OSBPL9: variants seen among roughly 807,000 people sequenced by gnomAD.
OSBPL9 encodes the protein oxysterol binding protein like 9, also known as oxysterol-binding protein-related protein 9.
A neutral mutation model predicts 106.6 loss-of-function variants in OSBPL9; 40 were observed. That is an observed-to-expected ratio of 0.38 (90% CI 0.29 to 0.49). The LOEUF is 0.49. Ranked by LOEUF, OSBPL9 falls within the 20% of genes least tolerant of loss-of-function variation. The probability of loss-of-function intolerance (pLI) is 0.97; values close to 1 mark genes in which losing one functional copy is unlikely to be tolerated. For missense variants in OSBPL9, 609 were observed against 887.2 expected (o/e 0.69, Z 3.98); for synonymous variants, 269 against 295.4 (o/e 0.91, Z 0.92).
At chr1:51,673,426 T>C (rs955004818) in intron 3 of OSBPL9, among the ~76,000 whole-genome samples, 1 of 152,140 alleles carries the variant, frequency 6.6e-6, no homozygotes, top group African/African-American at 2.4e-5. Context: ...TGTTTTGTTT[T>C]TGTAGGATAA....
At chr1:51,690,534 A>G (rs1654743370) in intron 3 of OSBPL9, among the ~76,000 whole-genome samples, 1 of 152,264 alleles carries the variant, frequency 6.6e-6, no homozygotes, top group South Asian at 2.1e-4. Flanking sequence ...TAAAAGGATC[A>G]TTAAGCAAAA....
In OSBPL9 at chr1:51,722,162, AATAGATAGATAGATAG is replaced by A. The variant is rs3991279; in HGVS notation, c.318+8113_318+8128del. ...ATAATGAGACTCCATCTCTAAAATA[AATAGATAGATAGATAG>A]ATAGATAGATAGATAGATAGATAGA... On this transcript the variant is annotated intron_variant, in intron 4 of 23. Transcript: ENST00000428468. Among the ~76,000 whole-genome samples the A allele has an allele frequency of 4.3e-3, 630 of 147,070 alleles. 3 individuals are homozygous for A. Among genetic ancestry groups the A allele is most frequent in the African/African-American group, 0.015 (612 of 39,816 alleles).
the OSBPL9 span, among the ~76,000 whole-genome samples, chr1:51,544,837 CTTTTTT>C: frequency 2.5e-5 from 2 of 80,258 alleles, no homozygotes; most frequent in East Asian, 3.6e-4. Flanking sequence ...AAGAGACATG[CTTTTTT>C]TTTTTTTTTT....
At chr1:51,775,416 C>T (rs970956210) in intron 14 of OSBPL9, among the ~76,000 whole-genome samples, 1 of 151,912 alleles carries the variant, frequency 6.6e-6, no homozygotes, top group Non-Finnish European at 1.5e-5. Flanking sequence ...TCTCTAGTGC[C>T]ACCTCAATAA....
At chr1:51,663,330 C>T (rs1335734911) in intron 2 of OSBPL9, among the ~76,000 whole-genome samples, 2 of 131,632 alleles carry the variant, frequency 1.5e-5, no homozygotes, top group Middle Eastern at 3.9e-3. Context: ...GTGTGTAAAA[C>T]GTGTGTAGCT....
At chr1:51,552,647 C>T in the OSBPL9 span, among the ~76,000 whole-genome samples, 4 of 151,864 alleles carry the variant, frequency 2.6e-5, no homozygotes, top group Admixed American at 6.6e-5. Flanking sequence ...TTTTTTTAGA[C>T]GGTGGCTCAT....
At chr1:51,658,746 CT>C (rs533820511) in intron 2 of OSBPL9, among the ~76,000 whole-genome samples, 19 of 149,520 alleles carry the variant, frequency 1.3e-4, no homozygotes, top group Admixed American at 4.0e-4. Flanking sequence ...GATACCATCA[CT>C]TTTTTTTTTC....
intron 1 of OSBPL9, among the ~76,000 whole-genome samples, chr1:51,648,899 T>C (rs1056682231): frequency 8.5e-5 from 13 of 152,218 alleles, no homozygotes; most frequent in Middle Eastern, 3.2e-3. Context: ...TTATTAATGT[T>C]GCTATTATCC....
At chr1:51,687,476 G>T (rs1654050578) in intron 3 of OSBPL9, among the ~76,000 whole-genome samples, 1 of 152,192 alleles carries the variant, frequency 6.6e-6, no homozygotes, top group African/African-American at 2.4e-5. Flanking sequence ...GAGAAAACTA[G>T]TAGAGGCAAG....
At chr1:51,571,511 T>A in the OSBPL9 span, among the ~76,000 whole-genome samples, 1 of 151,674 alleles carries the variant, frequency 6.6e-6, no homozygotes, top group African/African-American at 2.4e-5. Context: ...GCAAAAAAAA[T>A]TAAAAATTAG....
intron 2 of OSBPL9, among the ~76,000 whole-genome samples, chr1:51,609,817 G>A (rs186758805): frequency 2.0e-4 from 30 of 150,230 alleles, no homozygotes; most frequent in East Asian, 1.2e-3. Flanking sequence ...GCGTGATCTC[G>A]GCTCACCACA....
intron 3 of OSBPL9, among the ~76,000 whole-genome samples, chr1:51,693,333 C>T (rs1355740057): frequency 1.3e-5 from 2 of 151,182 alleles, no homozygotes; most frequent in Non-Finnish European, 2.9e-5. Context: ...GTTAGTATCA[C>T]TGCATTCCAG....
chr1:51,736,606 T>A (rs1665762936), intron 4 of OSBPL9, among the ~76,000 whole-genome samples: 1 of 152,206 alleles, frequency 6.6e-6, no homozygotes, highest in Non-Finnish European at 1.5e-5. Flanking sequence ...TTTCAGAACC[T>A]GAACTAACTA....
intron 3 of OSBPL9, among the ~76,000 whole-genome samples, chr1:51,713,392 C>T (rs995139623): frequency 7.2e-5 from 11 of 151,966 alleles, no homozygotes; most frequent in Non-Finnish European, 1.3e-4. Context: ...TCAGGTGATC[C>T]GCCCGCCTCA....
intron 22 of OSBPL9, 59 bp downstream of exon 22, chr1:51,786,676 A>T: frequency 1.4e-6 from 2 of 1,411,354 alleles, no homozygotes; most frequent in South Asian, 2.4e-5. Context: ...GCCTAGGCGT[A>T]GGCACAGGGC....
At chr1:51,669,319 G>C (rs531215705) in intron 2 of OSBPL9, 115 bp from the exon 3 acceptor site, 43 of 815,284 alleles carry the variant, frequency 5.3e-5, no homozygotes, top group Non-Finnish European at 8.2e-5. Flanking sequence ...CCTCTTTTCT[G>C]TGTCTAGCCT....
intron 4 of OSBPL9, among the ~76,000 whole-genome samples, chr1:51,743,442 C>T (rs1188605790): frequency 6.6e-6 from 1 of 152,130 alleles, no homozygotes; most frequent in Non-Finnish European, 1.5e-5. Flanking sequence ...AAATCTGTTT[C>T]CATTCAGTCA....
At chr1:51,633,973 C>A (rs1645268803) in intron 1 of OSBPL9, among the ~76,000 whole-genome samples, 1 of 152,144 alleles carries the variant, frequency 6.6e-6, no homozygotes, top group Non-Finnish European at 1.5e-5. Flanking sequence ...TTCCTGAGCC[C>A]CAACCTCCAG....
chr1:51,558,383 T>C, the OSBPL9 span, among the ~76,000 whole-genome samples: 1 of 152,166 alleles, frequency 6.6e-6, no homozygotes, highest in Non-Finnish European at 1.5e-5. Flanking sequence ...ATAGAAATTA[T>C]GACTCAGGAG....
Sources: allele counts gnomAD v4.1 joint callset (sites outside exome capture counted in the v4.1 genomes callset), GRCh38; gene constraint gnomAD v4.1.1; transcripts MANE v1.5; gene names NCBI Gene and HGNC (gene_info 2026-07-23, HGNC 2026-07-21).